Variants in CACNA2D1 observed in about 807,000 individuals in gnomAD.
CACNA2D1 encodes the protein calcium voltage-gated channel auxiliary subunit alpha2delta 1, also known as voltage-dependent calcium channel subunit alpha-2/delta-1.
A neutral mutation model predicts 171.5 loss-of-function variants in CACNA2D1; 53 were observed. That is an observed-to-expected ratio of 0.31 (90% CI 0.25 to 0.39). CACNA2D1 has a LOEUF of 0.39. Among genes scored for constraint, CACNA2D1 ranks in the 10% least tolerant of loss-of-function variants. The pLI, the probability that CACNA2D1 is intolerant of heterozygous loss-of-function variation, is 1.00. For synonymous variants in CACNA2D1, 442 were observed against 443.1 expected, an observed-to-expected ratio of 1.00 and a Z score of 0.03; for missense variants, 903 against 1,299.8, an observed-to-expected ratio of 0.69 and a Z score of 4.69.
intron 1 of CACNA2D1, among the ~76,000 whole-genome samples, chr7:82,426,062 C>T (rs1163015593): frequency 2.6e-5 from 4 of 151,268 alleles, no homozygotes; most frequent in Non-Finnish European, 5.9e-5. Flanking sequence ...ACCTGGGAGG[C>T]GGAGGCTGCA....
chr7:82,256,893 G>A (rs1806373666), intron 3 of CACNA2D1, among the ~76,000 whole-genome samples: 2 of 152,218 alleles, frequency 1.3e-5, no homozygotes, highest in East Asian at 1.9e-4. Flanking sequence ...GGTACTTTCT[G>A]TGAATATACT....
intron 3 of CACNA2D1, among the ~76,000 whole-genome samples, chr7:82,257,958 T>C (rs1243172149): frequency 6.6e-6 from 1 of 152,094 alleles, no homozygotes; most frequent in Non-Finnish European, 1.5e-5. Context: ...TGGAAGAGAA[T>C]AGAAATAAAA....
chr7:81,957,424 A>T (rs954649396), intron 38 of CACNA2D1, among the ~76,000 whole-genome samples: 3 of 152,120 alleles, frequency 2.0e-5, no homozygotes, highest in African/African-American at 7.2e-5. Flanking sequence ...TCAAGCCAAA[A>T]ACAAAAACTA....
chr7:82,251,142 C>T (rs553517461), intron 3 of CACNA2D1, among the ~76,000 whole-genome samples: 16 of 152,250 alleles, frequency 1.1e-4, no homozygotes, highest in South Asian at 8.3e-4. Flanking sequence ...CATCTCTCAA[C>T]GCCATGATGT....
chr7:82,323,900 A>C (rs1015314781), intron 3 of CACNA2D1, among the ~76,000 whole-genome samples: 12 of 152,198 alleles, frequency 7.9e-5, no homozygotes, highest in African/African-American at 2.9e-4. Flanking sequence ...CCATTAAATA[A>C]TTAGGTGCCC....
intron 3 of CACNA2D1, among the ~76,000 whole-genome samples, chr7:82,240,657 T>C (rs572847363): frequency 2.6e-5 from 4 of 152,258 alleles, no homozygotes; most frequent in East Asian, 1.9e-4. Flanking sequence ...ACACCACTTA[T>C]GTTTTACTTA....
chr7:82,320,038 T>G (rs1815621398), intron 3 of CACNA2D1, among the ~76,000 whole-genome samples: 1 of 151,618 alleles, frequency 6.6e-6, no homozygotes, highest in Non-Finnish European at 1.5e-5. Context: ...TGAGCTGGTA[T>G]CTGGAATCAG....
intron 3 of CACNA2D1, among the ~76,000 whole-genome samples, chr7:82,182,806 G>A (rs1474831407): frequency 6.6e-6 from 1 of 152,044 alleles, no homozygotes; most frequent in Non-Finnish European, 1.5e-5. Flanking sequence ...GGGAGGATGA[G>A]GAGGGCGGAT....
rs1219922529 is a variant in CACNA2D1 at position 82,066,517 on chromosome 7, T to C, written c.666A>G (p.Pro222=). The C allele has an allele frequency of 1.6e-5, 26 of 1,576,812 alleles. No homozygotes were observed. The highest frequency in any genetic ancestry group is 2.1e-5 in the Non-Finnish European group (24 of 1,169,570). The change falls in exon 8 of 39, where the codon CCA becomes CCG. Residue 222 remains proline, a synonymous_variant. Coordinates refer to ENST00000356860, the MANE Select transcript of CACNA2D1 (RefSeq NM_000722.4). The part of the protein sequence containing the change: ...TGLARYYPAS[P]WVDNSRTPNK... Reference sequence around the variant, plus strand: ...TTGGAGTTCTACTATTATCAACCCATGGTGAAGCTAAAAAAAAAAAAAAAA... The same window carrying C: ...TTGGAGTTCTACTATTATCAACCCACGGTGAAGCTAAAAAAAAAAAAAAAA...
intron 15 of CACNA2D1, among the ~76,000 whole-genome samples, chr7:82,008,504 CAAAAT>C (rs1799379926): frequency 4.6e-5 from 7 of 152,040 alleles, no homozygotes; most frequent in Admixed American, 4.6e-4. Context: ...ACAGATTAGT[CAAAAT>C]AAACTGATTT....
At position 82,150,366 on chromosome 7, in the gene CACNA2D1, C is replaced by A. The variant is rs553847167; in HGVS notation, c.355-13690G>T. On this transcript the variant is annotated intron_variant, in intron 4 of 38. Coordinates refer to ENST00000356860, the MANE Select transcript of CACNA2D1 (RefSeq NM_000722.4). ...TTATTTTGCTTCTCATGTGAGCACC[C>A]AACAGAACTTAAAGAGCCATCTCTC... is the stretch of plus-strand genomic sequence containing the variant. Among the ~76,000 whole-genome samples the A allele has an allele frequency of 2.0e-5, 3 of 147,460 alleles. No homozygotes were observed. In the East Asian group the frequency reaches 5.9e-4, roughly 29 times the overall value.
chr7:82,154,516 T>G (rs2129117979), intron 4 of CACNA2D1, among the ~76,000 whole-genome samples: 1 of 152,162 alleles, frequency 6.6e-6, no homozygotes, highest in East Asian at 1.9e-4. Context: ...GACTGGTCAA[T>G]AGGTGCAGCA....
intron 14 of CACNA2D1, 94 bp from the exon 15 acceptor site, chr7:82,012,337 A>G (rs1338523608): frequency 1.4e-6 from 1 of 728,756 alleles, no homozygotes; most frequent in Non-Finnish European, 2.4e-6. Context: ...AGAGTTAAAA[A>G]TGAATATAGA....
chr7:82,184,871 T>G (rs1438071913), intron 3 of CACNA2D1, among the ~76,000 whole-genome samples: 1 of 152,196 alleles, frequency 6.6e-6, no homozygotes, highest in Non-Finnish European at 1.5e-5. Context: ...ACTTACTCTT[T>G]ACCAAGCACT....
intron 6 of CACNA2D1, among the ~76,000 whole-genome samples, chr7:82,101,946 G>T (rs929183946): frequency 6.6e-6 from 1 of 152,084 alleles, no homozygotes; most frequent in Admixed American, 6.6e-5. Flanking sequence ...TAATAAATTG[G>T]AGATATTATT....
rs892839960 is a variant in CACNA2D1, at chr7:82,150,996, T to G, written c.355-14320A>C. 2.0e-5 allele frequency among the ~76,000 whole-genome samples: 3 copies of G among 152,186 alleles called. No homozygotes were observed. The South Asian group carries it at 6.2e-4, about 31-fold the overall frequency. Reference sequence around the variant, plus strand: ...TATTTAAGTTATATTTCAAATAGCTTTTTAAATTCAAACTGTTTACTGATT... The same window carrying G: ...TATTTAAGTTATATTTCAAATAGCTGTTTAAATTCAAACTGTTTACTGATT... On this transcript the variant is annotated intron_variant, in intron 4 of 38. Transcript: ENST00000356860.
At chr7:82,156,932 A>G (rs1417366719) in intron 4 of CACNA2D1, among the ~76,000 whole-genome samples, 1 of 152,160 alleles carries the variant, frequency 6.6e-6, no homozygotes, top group Non-Finnish European at 1.5e-5. Context: ...GATGTTTTAT[A>G]TTCTTTGAAA....
chr7:82,217,351 A>T (rs5029379), intron 3 of CACNA2D1, among the ~76,000 whole-genome samples: 35,579 of 120,448 alleles, frequency 0.3, 5,686 homozygotes, highest in East Asian at 0.52. Flanking sequence ...TGCCTTTTTA[A>T]AAAAAAAATA....
intron 3 of CACNA2D1, among the ~76,000 whole-genome samples, chr7:82,329,774 G>GA (rs1182267023): frequency 4.6e-5 from 7 of 151,534 alleles, no homozygotes; most frequent in African/African-American, 9.7e-5. Flanking sequence ...GCAAATGTCA[G>GA]AAAAAAAAGT....
Sources: allele counts gnomAD v4.1 joint callset (sites outside exome capture counted in the v4.1 genomes callset), GRCh38; gene constraint gnomAD v4.1.1; transcripts MANE v1.5; gene names NCBI Gene and HGNC (gene_info 2026-07-23, HGNC 2026-07-21).